Variants in CHRM3 observed in about 807,000 individuals in gnomAD.
CHRM3 encodes cholinergic receptor muscarinic 3.
A neutral mutation model predicts 41.8 loss-of-function variants in CHRM3; 11 were observed. The observed-to-expected ratio is 0.26, with a 90% CI of 0.17 to 0.44. CHRM3 has a LOEUF of 0.44. Ranked by LOEUF, CHRM3 falls within the 20% of genes least tolerant of loss-of-function variation. The pLI is 1.00. For synonymous variants in CHRM3, 297 were observed against 301.4 expected (o/e 0.99, Z 0.15); for missense variants, 571 against 745.4 (o/e 0.77, Z 2.72).
chr1:239,560,477 CA>C (rs568420177), intron 3 of CHRM3, among the ~76,000 whole-genome samples: 31 of 152,114 alleles, frequency 2.0e-4, no homozygotes, highest in Non-Finnish European at 4.0e-4. Context: ...TATATTTGCA[CA>C]AATGTGTGAT....
At chr1:239,889,709 G>A (rs1004676903) in intron 6 of CHRM3, among the ~76,000 whole-genome samples, 2 of 152,138 alleles carry the variant, frequency 1.3e-5, no homozygotes, top group African/African-American at 4.8e-5. Flanking sequence ...TCAGTCCTGG[G>A]CTGCCACACC....
chr1:239,788,418 A>C (rs923139427), intron 5 of CHRM3, among the ~76,000 whole-genome samples: 2 of 152,098 alleles, frequency 1.3e-5, no homozygotes, highest in African/African-American at 4.8e-5. Flanking sequence ...GTTTCCTTCC[A>C]GTGTCTTCTA....
chr1:239,896,671 G>A (rs896490480), intron 6 of CHRM3, among the ~76,000 whole-genome samples: 4 of 152,086 alleles, frequency 2.6e-5, no homozygotes, highest in Non-Finnish European at 4.4e-5. Context: ...TCTCAGCTTC[G>A]GCACTATCAA....
rs555868620 is a variant in CHRM3 at position 239,839,800 on chromosome 1, CG to C, written c.-20+12430del. Among the ~76,000 whole-genome samples, 46 of 109,388 alleles carry C rather than the reference CG, an allele frequency of 4.2e-4. 1 individual carries two copies. Among genetic ancestry groups the C allele is most frequent in the African/African-American group, 1.4e-3 (44 of 30,380 alleles). 71.8% of individuals were successfully genotyped at this position (109,388 alleles called of 152,430 possible). The stretch of plus-strand genomic sequence containing the variant: ...TTTACTATTACATTCAGTGGCGGGG[CG>C]GGGGGGGAGCGGGGAAGGGAGAAGT... On this transcript the variant is annotated intron_variant, in intron 6 of 6. Transcript: ENST00000676153.
chr1:239,615,961 C>A lies in CHRM3; in HGVS notation c.-312-16263C>A, dbSNP rs78196640. Among the ~76,000 whole-genome samples, 8 of 152,294 alleles carry A rather than the reference C, an allele frequency of 5.3e-5. No individual in the cohort carries two copies. In the East Asian group the frequency reaches 1.5e-3, roughly 29 times the overall value. On this transcript the variant is annotated intron_variant, in intron 3 of 6. Coordinates refer to ENST00000676153, the MANE Select transcript of CHRM3 (RefSeq NM_001375978.1). ...GCGCCTTCCTTCTACTTCTTCCTCT[C>A]CAGTAAGCAACCTAATCTCTCAACA...
At position 239,560,303 on chromosome 1, in the gene CHRM3, G is replaced by A. The variant is rs2148485828; in HGVS notation, c.-313+14554G>A. On this transcript the variant is annotated intron_variant, in intron 3 of 6. Coordinates refer to ENST00000676153, the MANE Select transcript of CHRM3 (RefSeq NM_001375978.1). ...GTTTTATTGCAACTCATACGCTGAT[G>A]TTTTTTAATGATATTTCTTTTTATG... is the stretch of plus-strand genomic sequence containing the variant. Among the ~76,000 whole-genome samples the A allele has an allele frequency of 3.9e-5, 6 of 152,044 alleles. No homozygotes were observed. The South Asian group carries it at 1.2e-3, about 32-fold the overall frequency.
intron 1 of CHRM3, among the ~76,000 whole-genome samples, chr1:239,450,821 C>T (rs960072021): frequency 2.1e-4 from 32 of 152,326 alleles, no homozygotes; most frequent in African/African-American, 7.7e-4. Flanking sequence ...TACATAAAAT[C>T]ACAATACATA....
rs1310360866 is a variant in CHRM3, at chr1:239,552,550, C to A, written c.-313+6801C>A. Among the ~76,000 whole-genome samples the A allele has an allele frequency of 4.8e-5, 7 of 147,260 alleles. No individual in the cohort carries two copies. In the East Asian group the frequency reaches 1.4e-3, roughly 29 times the overall value. ...ACGATAAGCTCACTGCAGCCTCAAC[C>A]TTTTGGGCACAAGTGATCTTTTCAC... On this transcript the variant is annotated intron_variant, in intron 3 of 6. Transcript: ENST00000676153.
intron 5 of CHRM3, among the ~76,000 whole-genome samples, chr1:239,763,732 C>T (rs2841036): frequency 0.7 from 105,477 of 151,682 alleles, 37,031 homozygotes; most frequent in Non-Finnish European, 0.75. Flanking sequence ...TTTTCACATT[C>T]GGGCACTGGG....
chr1:239,578,207 C>T (rs2148574368), intron 3 of CHRM3, among the ~76,000 whole-genome samples: 1 of 152,236 alleles, frequency 6.6e-6, no homozygotes, highest in South Asian at 2.1e-4. Flanking sequence ...ATTTATAACT[C>T]CATCTGTGTG....
At chr1:239,598,456 G>A (rs1009611840) in intron 3 of CHRM3, among the ~76,000 whole-genome samples, 44 of 152,116 alleles carry the variant, frequency 2.9e-4, no homozygotes, top group African/African-American at 1.0e-3. Flanking sequence ...TTGCAACTTG[G>A]TCTTAATATA....
chr1:239,606,037 G>A lies in CHRM3; in HGVS notation c.-312-26187G>A, dbSNP rs191932545. On this transcript the variant is annotated intron_variant, in intron 3 of 6. Transcript: ENST00000676153. ...TGTACTTGACCAGAGGATTCATGAGGGGCAGTATTGTAGTACGCAGAGTGC... is the reference window on the plus strand; with the variant it reads ...TGTACTTGACCAGAGGATTCATGAGAGGCAGTATTGTAGTACGCAGAGTGC... 3.0e-3 allele frequency: 462 copies of A among 152,232 alleles called. 9 individuals carry two copies. Among genetic ancestry groups the A allele is most frequent in the Non-Finnish European group, 2.0e-3 (137 of 68,004 alleles). The allele number at this position is 152,232 out of a possible 1,614,324, so 9.4% of individuals were successfully genotyped here. A position where few individuals can be genotyped will look rare whatever the true frequency, so the allele number is the denominator to read the frequency against.
chr1:239,527,386 GC>G (rs1670065681), intron 2 of CHRM3, among the ~76,000 whole-genome samples: 1 of 151,896 alleles, frequency 6.6e-6, no homozygotes, highest in African/African-American at 2.4e-5. Flanking sequence ...AATAATTGAG[GC>G]CCTTACAAAG....
chr1:239,794,741 T>C (rs912853838), intron 5 of CHRM3, among the ~76,000 whole-genome samples: 2 of 152,220 alleles, frequency 1.3e-5, no homozygotes, highest in African/African-American at 4.8e-5. Context: ...ACAAGTTTTA[T>C]AACACATGAA....
At chr1:239,497,639 T>C (rs1312648612) in intron 2 of CHRM3, among the ~76,000 whole-genome samples, 1 of 152,234 alleles carries the variant, frequency 6.6e-6, no homozygotes, top group African/African-American at 2.4e-5. Flanking sequence ...TCCTCTCTAT[T>C]TCACAGAGGT....
chr1:239,841,745 C>T (rs1673818597), intron 6 of CHRM3, among the ~76,000 whole-genome samples: 1 of 152,184 alleles, frequency 6.6e-6, no homozygotes, highest in Non-Finnish European at 1.5e-5. Flanking sequence ...ATTAGCATAA[C>T]TTGTTTCTTC....
rs1658092873 is a variant in CHRM3, at chr1:239,535,360, C to G, written c.-421-10281C>G. On this transcript the variant is annotated intron_variant, in intron 2 of 6. Coordinates refer to ENST00000676153, the MANE Select transcript of CHRM3 (RefSeq NM_001375978.1). ...AACCTCTCCATGTATGTTGTCTTCT[C>G]TCTCCAAAGGGAGAATTCACTATAT... 2.6e-5 allele frequency among the ~76,000 whole-genome samples: 4 copies of G among 151,868 alleles called. No individual in the cohort carries two copies. The South Asian group carries it at 8.4e-4, about 32-fold the overall frequency.
chr1:239,765,317 G>T (rs1477607595), intron 5 of CHRM3, among the ~76,000 whole-genome samples: 1 of 152,148 alleles, frequency 6.6e-6, no homozygotes, highest in Non-Finnish European at 1.5e-5. Context: ...AAACGCTGGG[G>T]TCCTTGGCCA....
At chr1:239,637,718 T>C (rs1350012425) in intron 4 of CHRM3, among the ~76,000 whole-genome samples, 3 of 149,746 alleles carry the variant, frequency 2.0e-5, no homozygotes, top group African/African-American at 4.9e-5. Context: ...TTCTTTTTTT[T>C]TTTTTTGGGG....
Sources: gnomAD v4.1 joint callset for allele counts (sites outside exome capture counted in the v4.1 genomes callset) on GRCh38, gnomAD v4.1.1 for gene constraint, MANE v1.5 for transcripts, NCBI Gene and HGNC (gene_info 2026-07-23, HGNC 2026-07-21) for gene names.